Variants in GABRG2 observed in about 807,000 individuals in gnomAD.
The protein encoded by GABRG2 is gamma-aminobutyric acid receptor subunit gamma-2.
A neutral mutation model predicts 56.4 loss-of-function variants in GABRG2; 16 were observed. The observed-to-expected ratio is 0.28, with a 90% CI of 0.19 to 0.43. GABRG2 has a LOEUF of 0.43. Ranked by LOEUF, GABRG2 falls within the 20% of genes least tolerant of loss-of-function variation. The probability of loss-of-function intolerance (pLI) is 1.00; values close to 1 mark genes in which losing one functional copy is unlikely to be tolerated. For missense variants in GABRG2, 327 were observed against 582.7 expected (o/e 0.56, Z 4.52); for synonymous variants, 208 against 205.5 (o/e 1.01, Z -0.10).
chr5:162,110,165 G>A (rs1179195449), intron 6 of GABRG2, among the ~76,000 whole-genome samples: 2 of 152,000 alleles, frequency 1.3e-5, no homozygotes, highest in Admixed American at 6.6e-5. Flanking sequence ...AAAAATCTGT[G>A]TACCACTAAA....
chr5:162,101,585 T>G, intron 5 of GABRG2: 1 of 446,098 alleles, frequency 2.2e-6, no homozygotes, highest in South Asian at 2.2e-5. Flanking sequence ...AGAGCCTTTT[T>G]TTTTTTTGTA....
Position 162,153,198 on chromosome 5 carries a change from A to G in GABRG2, c.1258A>G (p.Lys420Glu). ...EEYGYECLDG[K>E]DCASFFCCFE... ...GTACGGCTATGAGTGTCTGGACGGC[A>G]AGGACTGTGCCAGTTTTTTCTGCTG... is the stretch of plus-strand genomic sequence containing the variant. Residue 420 changes from lysine to glutamate, a missense_variant, in exon 10 of 10, where the codon AAG becomes GAG. Physicochemically the swap from Lys to Glu is moderately conservative, Grantham distance 56. Coordinates refer to ENST00000639213, the MANE Select transcript of GABRG2 (RefSeq NM_198904.4). 1 of 1,614,082 alleles carries G rather than the reference A, an allele frequency of 6.2e-7. No homozygotes were observed. The highest frequency in any genetic ancestry group is 8.5e-7 in the Non-Finnish European group (1 of 1,179,970).
intron 6 of GABRG2, among the ~76,000 whole-genome samples, chr5:162,110,585 A>G (rs993233698): frequency 6.6e-6 from 1 of 152,090 alleles, no homozygotes; most frequent in Non-Finnish European, 1.5e-5. Flanking sequence ...AAAGTTAAAA[A>G]GCTACAAGTT....
intron 7 of GABRG2, among the ~76,000 whole-genome samples, chr5:162,144,972 CAA>C (rs984741572): frequency 9.9e-5 from 15 of 152,094 alleles, no homozygotes; most frequent in African/African-American, 3.6e-4. Flanking sequence ...AACAAACAAA[CAA>C]AAAATCCACA....
chr5:162,105,723 C>G (rs962623676), intron 6 of GABRG2, among the ~76,000 whole-genome samples: 1 of 151,862 alleles, frequency 6.6e-6, no homozygotes, highest in Admixed American at 6.6e-5. Context: ...AGCCACCGCG[C>G]CCGGCCTAGA....
At chr5:162,133,229 T>C (rs1344427820) in intron 6 of GABRG2, among the ~76,000 whole-genome samples, 1 of 152,096 alleles carries the variant, frequency 6.6e-6, no homozygotes, top group Admixed American at 6.6e-5. Flanking sequence ...CTCAAAAAGC[T>C]CTATGTACCA....
At chr5:162,126,654 A>G (rs1428478241) in intron 6 of GABRG2, among the ~76,000 whole-genome samples, 1 of 151,972 alleles carries the variant, frequency 6.6e-6, no homozygotes, top group Non-Finnish European at 1.5e-5. Context: ...CTCCGAGCCC[A>G]TCTTTCTCCA....
chr5:162,075,728 T>A, intron 1 of GABRG2, among the ~76,000 whole-genome samples: 1 of 151,716 alleles, frequency 6.6e-6, no homozygotes, highest in East Asian at 1.9e-4. Context: ...TATCTCACTG[T>A]AAGTCAGCAT....
chr5:162,111,405 G>C (rs1021420801), intron 6 of GABRG2, among the ~76,000 whole-genome samples: 1 of 152,092 alleles, frequency 6.6e-6, no homozygotes, highest in Admixed American at 6.6e-5. Context: ...ATCTAGCAGG[G>C]AGATAGTTTT....
chr5:162,105,652 G>T (rs186190311), intron 6 of GABRG2, among the ~76,000 whole-genome samples: 2 of 151,492 alleles, frequency 1.3e-5, no homozygotes, highest in Non-Finnish European at 2.9e-5. Flanking sequence ...GGATGGTCTC[G>T]ATCTCCTGAC....
At chr5:162,137,701 T>C (rs562060958) in intron 6 of GABRG2, among the ~76,000 whole-genome samples, 1 of 152,250 alleles carries the variant, frequency 6.6e-6, no homozygotes, top group Admixed American at 6.5e-5. Flanking sequence ...GAGCACTCTT[T>C]CTTTTTCTTT....
chr5:162,146,691 A>G (rs1182547081), intron 7 of GABRG2, among the ~76,000 whole-genome samples: 1 of 152,182 alleles, frequency 6.6e-6, no homozygotes, highest in East Asian at 1.9e-4. Flanking sequence ...CTGTTTTCAT[A>G]GAGTGTATAG....
At chr5:162,150,095 A>G (rs1291838560) in intron 8 of GABRG2, 1 of 155,608 alleles carries the variant, frequency 6.4e-6, no homozygotes, top group African/African-American at 2.4e-5. Flanking sequence ...TTCATTCTCG[A>G]AATGTATCTT....
At chr5:162,094,215 A>G in intron 2 of GABRG2, 1 of 512,666 alleles carries the variant, frequency 2.0e-6, no homozygotes, top group Middle Eastern at 5.5e-4. Context: ...TTAGAAATTC[A>G]CATATTGCTA....
intron 6 of GABRG2, among the ~76,000 whole-genome samples, chr5:162,126,229 T>C (rs999570205): frequency 1.3e-5 from 2 of 151,980 alleles, no homozygotes; most frequent in Non-Finnish European, 2.9e-5. Flanking sequence ...TCAGCTAGTG[T>C]TGGTGCAGCT....
intron 1 of GABRG2, among the ~76,000 whole-genome samples, chr5:162,074,547 A>G (rs1371249259): frequency 1.3e-5 from 2 of 152,082 alleles, no homozygotes; most frequent in Non-Finnish European, 2.9e-5. Context: ...GTATATTTAT[A>G]TAAATAAAAT....
At position 162,136,586 on chromosome 5, in the gene GABRG2, A is replaced by G. The variant is rs370698111; in HGVS notation, c.770-5578A>G. Among the ~76,000 whole-genome samples the G allele has an allele frequency of 3.2e-3, 490 of 152,146 alleles. 6 individuals are homozygous for G. The highest frequency in any genetic ancestry group is 0.011 in the African/African-American group (460 of 41,518). Reference sequence around the variant, plus strand: ...AGAGATGATGGCAGGAAGAATAAAGATGGAAAAATCATAGAGGCAAGAAAT... The same window carrying G: ...AGAGATGATGGCAGGAAGAATAAAGGTGGAAAAATCATAGAGGCAAGAAAT... On this transcript the variant is annotated intron_variant, in intron 6 of 9. Transcript: ENST00000639213.
chr5:162,099,430 T>C (rs974428751), intron 4 of GABRG2: 12 of 152,008 alleles, frequency 7.9e-5, no homozygotes, highest in Non-Finnish European at 1.8e-4. Flanking sequence ...CACTACACCC[T>C]GCTAAGAATT....
chr5:162,152,899 A>T, intron 9 of GABRG2, 194 bp from the exon 10 acceptor site: 1 of 672,614 alleles, frequency 1.5e-6, no homozygotes, highest in Non-Finnish European at 2.6e-6. Flanking sequence ...TGCACTGCTT[A>T]AGCTCAAAAT....
Sources: allele counts gnomAD v4.1 joint callset (sites outside exome capture counted in the v4.1 genomes callset), GRCh38; gene constraint gnomAD v4.1.1; transcripts MANE v1.5; gene names NCBI Gene and HGNC (gene_info 2026-07-23, HGNC 2026-07-21).